ABLIM2: variants seen among roughly 807,000 people sequenced by gnomAD.
ABLIM2 encodes the protein actin-binding LIM protein 2.
In ABLIM2, 53 loss-of-function variants were observed where a neutral mutation model predicts 97.7. The observed-to-expected ratio is 0.54, with a 90% CI of 0.44 to 0.68. ABLIM2 has a LOEUF of 0.68. Among genes scored for constraint, ABLIM2 ranks in the 30% least tolerant of loss-of-function variants. ABLIM2 has a pLI of 0.00. For synonymous variants in ABLIM2, 361 were observed against 345.8 expected (o/e 1.04, Z -0.49); for missense variants, 835 against 867.2 (o/e 0.96, Z 0.47).
At position 8,120,863 on chromosome 4, in the gene ABLIM2, C is replaced by T. The variant is rs185149030; in HGVS notation, c.11-14226G>A. On this transcript the variant is annotated intron_variant, in intron 1 of 20. Transcript: ENST00000447017. The surrounding 1 kb of genome is among the most constrained non-coding windows in gnomAD (Gnocchi z 5.6). ...CCTACAGCTGGGCACACACATCTAA[C>T]GCAAAGCCTGTTTTATAATACAATG... Among the ~76,000 whole-genome samples, 45 of 152,338 alleles carry T rather than the reference C, an allele frequency of 3.0e-4. No homozygotes were observed. The highest frequency in any genetic ancestry group is 8.2e-4 in the African/African-American group (34 of 41,574).
rs778672293 is a variant in ABLIM2 at position 8,021,249 on chromosome 4, T to C, written c.1268-946A>G. Reference sequence around the variant, plus strand: ...CTGAGCTCACCTGGAACTATAATTCTGTTTTGCGAACAAGGTTGGATTATC... The same window carrying C: ...CTGAGCTCACCTGGAACTATAATTCCGTTTTGCGAACAAGGTTGGATTATC... On this transcript the variant is annotated intron_variant, in intron 12 of 20. Coordinates refer to ENST00000447017, the MANE Select transcript of ABLIM2 (RefSeq NM_001130083.2). The surrounding 1 kb of genome is among the most constrained non-coding windows in gnomAD (Gnocchi z 5.5). Among the ~76,000 whole-genome samples the C allele has an allele frequency of 6.6e-6, 1 of 152,184 alleles. No individual in the cohort carries two copies. Among genetic ancestry groups the C allele is most frequent in the Non-Finnish European group, 1.5e-5 (1 of 68,036 alleles).
At chr4:8,137,815 G>A (rs1391080188) in intron 1 of ABLIM2, among the ~76,000 whole-genome samples, 1 of 152,204 alleles carries the variant, frequency 6.6e-6, no homozygotes. Context: ...CACTTTCTGG[G>A]TATTTACCCC....
intron 6 of ABLIM2, among the ~76,000 whole-genome samples, chr4:8,066,334 G>A (rs1483121994): frequency 9.2e-6 from 1 of 108,196 alleles, no homozygotes; most frequent in Non-Finnish European, 1.8e-5. Context: ...AAAAAGAAAG[G>A]AGGGAGGGAG....
At position 8,127,489 on chromosome 4, in the gene ABLIM2, A is replaced by G; in HGVS notation, c.11-20852T>C. The G allele has an allele frequency of 7.8e-7, 1 of 1,289,268 alleles. No homozygotes were observed. The highest frequency in any genetic ancestry group is 1.0e-6 in the Non-Finnish European group (1 of 988,454). 79.9% of individuals were successfully genotyped at this position (1,289,268 alleles called of 1,614,324 possible). A position where few individuals can be genotyped will look rare whatever the true frequency, so the allele number is the denominator to read the frequency against. ...GCTCCCAGTCCCCTGAAGCTGACTCATGGAGCTCACGGCTCCCAGCCGGAT... is the reference window on the plus strand; with the variant it reads ...GCTCCCAGTCCCCTGAAGCTGACTCGTGGAGCTCACGGCTCCCAGCCGGAT... On this transcript the variant is annotated intron_variant, in intron 1 of 20. Transcript: ENST00000447017. This position sits in a 1 kb window ranked among gnomAD's most constrained non-coding sequence, Gnocchi z 7.3.
At chr4:8,007,304 C>A in intron 16 of ABLIM2, 6 of 985,408 alleles carry the variant, frequency 6.1e-6, no homozygotes, top group Non-Finnish European at 7.2e-6. Flanking sequence ...GAACTTGGGA[C>A]TGCCTCACTG....
At position 8,015,703 on chromosome 4, in the gene ABLIM2, T is replaced by TG. The variant is rs1243064276; in HGVS notation, c.1423+3914dup. On this transcript the variant is annotated intron_variant, in intron 14 of 20. Transcript: ENST00000447017. This position sits in a 1 kb window ranked among gnomAD's most constrained non-coding sequence, Gnocchi z 4.6. The stretch of plus-strand genomic sequence containing the variant: ...CGGACAAGTGGTGGGAGGTGTGTGT[T>TG]GGGGGGTGAGGAGAGAGCTGCATTG... 1.3e-5 allele frequency among the ~76,000 whole-genome samples: 2 copies of TG among 151,870 alleles called. No individual in the cohort carries two copies. Among genetic ancestry groups the TG allele is most frequent in the Non-Finnish European group, 2.9e-5 (2 of 67,978 alleles).
chr4:8,066,627 G>A (rs1325309779), intron 6 of ABLIM2: 1 of 152,188 alleles, frequency 6.6e-6, no homozygotes, highest in East Asian at 1.9e-4. Flanking sequence ...CTGAAAACGT[G>A]TGCAGTGAAA....
rs904879483 is a variant in ABLIM2 at position 8,033,124 on chromosome 4, T to G, written c.1047+3025A>C. ...CAGAAGCCTTTGGGTTGGAGACGGC[T>G]CTGCCGTGGGGGTCCTGGGGCCCTA... On this transcript the variant is annotated intron_variant, in intron 10 of 20. Coordinates refer to ENST00000447017, the MANE Select transcript of ABLIM2 (RefSeq NM_001130083.2). This position sits in a 1 kb window ranked among gnomAD's most constrained non-coding sequence, Gnocchi z 4.5. 2.6e-5 allele frequency among the ~76,000 whole-genome samples: 4 copies of G among 152,180 alleles called. No homozygotes were observed. The highest frequency in any genetic ancestry group is 1.5e-5 in the Non-Finnish European group (1 of 68,024).
In ABLIM2 at chr4:8,083,488, CCAAGAAGCT is replaced by C. The variant is rs1821253268; in HGVS notation, c.455-2695_455-2687del. On this transcript the variant is annotated intron_variant, in intron 4 of 20. Coordinates refer to ENST00000447017, the MANE Select transcript of ABLIM2 (RefSeq NM_001130083.2). This position sits in a 1 kb window ranked among gnomAD's most constrained non-coding sequence, Gnocchi z 4.6. Reference sequence around the variant, plus strand: ...CCATATTGGCCGGCGCCCTCCCCTGCCAAGAAGCTCCCTTGACCTTGAGCTCCAAACTGC... The same window carrying C: ...CCATATTGGCCGGCGCCCTCCCCTGCCCCTTGACCTTGAGCTCCAAACTGC... 6.6e-6 allele frequency among the ~76,000 whole-genome samples: 1 copy of C among 152,180 alleles called. No homozygotes were observed.
chr4:8,074,850 G>A (rs539204591), intron 6 of ABLIM2, among the ~76,000 whole-genome samples: 5 of 147,680 alleles, frequency 3.4e-5, no homozygotes, highest in East Asian at 2.0e-4. Flanking sequence ...GCGCAGTCTC[G>A]GCTCACTGCA....
At chr4:8,141,101 C>T (rs1850912076) in intron 1 of ABLIM2, among the ~76,000 whole-genome samples, 2 of 152,164 alleles carry the variant, frequency 1.3e-5, no homozygotes, top group East Asian at 1.9e-4. Context: ...CTCCAGGTAG[C>T]GGGAAGGGAC....
chr4:8,030,520 T>C (rs1241068960), intron 10 of ABLIM2, among the ~76,000 whole-genome samples: 1 of 152,174 alleles, frequency 6.6e-6, no homozygotes, highest in East Asian at 1.9e-4. Flanking sequence ...TCTGGGCCCA[T>C]GGCTCCCCTG....
intron 1 of ABLIM2, among the ~76,000 whole-genome samples, chr4:8,146,738 C>T (rs1285140902): frequency 6.6e-6 from 1 of 152,148 alleles, no homozygotes; most frequent in Non-Finnish European, 1.5e-5. Flanking sequence ...CTATGTTGCC[C>T]AGGCTGGCCT....
Position 8,097,294 on chromosome 4 carries a change from C to T in ABLIM2, c.155-12G>A, listed in dbSNP as rs200652083. On this transcript the variant is annotated splice_polypyrimidine_tract_variant and intron_variant, in intron 2 of 20. Coordinates refer to ENST00000447017, the MANE Select transcript of ABLIM2 (RefSeq NM_001130083.2). ...GTCGCAGCCACATGCTGGGGGAGGA[C>T]GGGCGAGGTGGCGTTAGCGGCAGAG... is the stretch of plus-strand genomic sequence containing the variant. The T allele has an allele frequency of 2.6e-4, 406 of 1,554,504 alleles. 2 individuals are homozygous for T. In the East Asian group the frequency reaches 8.5e-3, roughly 33 times the overall value.
At chr4:8,012,877 G>A (rs1050735074) in intron 14 of ABLIM2, among the ~76,000 whole-genome samples, 13 of 152,060 alleles carry the variant, frequency 8.5e-5, no homozygotes, top group Non-Finnish European at 1.5e-5. Flanking sequence ...ATTCATCCAT[G>A]TAGCCCTTAA....
At position 8,019,482 on chromosome 4, in the gene ABLIM2, A is replaced by C; in HGVS notation, c.1423+136T>G. On this transcript the variant is annotated intron_variant, in intron 14 of 20. Coordinates refer to ENST00000447017, the MANE Select transcript of ABLIM2 (RefSeq NM_001130083.2). The surrounding 1 kb of genome is among the most constrained non-coding windows in gnomAD (Gnocchi z 4.3). ...GAGGCTGCTAGTGAATTTGCATTTAATAGTCAGACTGCTAAGGGCCTTGGT... is the reference window on the plus strand; with the variant it reads ...GAGGCTGCTAGTGAATTTGCATTTACTAGTCAGACTGCTAAGGGCCTTGGT... The C allele has an allele frequency of 1.3e-6, 1 of 742,316 alleles. No homozygotes were observed. Among genetic ancestry groups the C allele is most frequent in the Non-Finnish European group, 2.1e-6 (1 of 467,590 alleles). 46.0% of individuals were successfully genotyped at this position (742,316 alleles called of 1,614,324 possible). A position where few individuals can be genotyped will look rare whatever the true frequency, so the allele number is the denominator to read the frequency against.
At chr4:8,025,536 G>A (rs1043372688) in intron 12 of ABLIM2, among the ~76,000 whole-genome samples, 12 of 152,334 alleles carry the variant, frequency 7.9e-5, no homozygotes, top group Middle Eastern at 3.4e-3. Flanking sequence ...CTCCTTGGCT[G>A]TCTCGGGAGC....
At position 8,080,806 on chromosome 4, in the gene ABLIM2, G is replaced by C; in HGVS notation, c.455-4C>G. On this transcript the variant is annotated splice_region_variant and splice_polypyrimidine_tract_variant and intron_variant, in intron 4 of 20. Coordinates refer to ENST00000447017, the MANE Select transcript of ABLIM2 (RefSeq NM_001130083.2). ...TCTGTGCCGCAGCCCCCACAACCTG[G>C]AAGAAAGAGAAGAGAACACAGACAC... is the stretch of plus-strand genomic sequence containing the variant. 1 of 1,601,742 alleles carries C rather than the reference G, an allele frequency of 6.2e-7. No homozygotes were observed. Among genetic ancestry groups the C allele is most frequent in the Admixed American group, 1.7e-5 (1 of 59,376 alleles).
rs1842514241 is a variant in ABLIM2 at position 8,115,752 on chromosome 4, C to T, written c.11-9115G>A. ...TCCTATTACCTGATGGGGTCTAAAG[C>T]CCCTCACCTTGAACCTGGGTGGACC... On this transcript the variant is annotated intron_variant, in intron 1 of 20. Coordinates refer to ENST00000447017, the MANE Select transcript of ABLIM2 (RefSeq NM_001130083.2). Among the ~76,000 whole-genome samples, 5 of 152,194 alleles carry T rather than the reference C, an allele frequency of 3.3e-5. No individual in the cohort carries two copies. In the South Asian group the frequency reaches 1.0e-3, roughly 32 times the overall value.
Sources: allele counts gnomAD v4.1 joint callset (sites outside exome capture counted in the v4.1 genomes callset), GRCh38; gene constraint gnomAD v4.1.1; non-coding constraint Gnocchi (gnomAD v3.1); transcripts MANE v1.5; gene names NCBI Gene and HGNC (gene_info 2026-07-23, HGNC 2026-07-21).